FAR1: variants seen among roughly 807,000 people sequenced by gnomAD.
FAR1 encodes the protein fatty acyl-CoA reductase 1, also known as male sterility domain-containing protein 2.
In FAR1, 22 loss-of-function variants were observed where a neutral mutation model predicts 61.1. The ratio of observed to expected loss-of-function variants is 0.36; its 90% CI spans 0.26 to 0.51. The LOEUF (loss-of-function observed/expected upper bound fraction) is 0.51, where lower values mean the gene tolerates loss of function less well. Ranked by LOEUF, FAR1 falls within the 20% of genes least tolerant of loss-of-function variation. The pLI is 0.95. For synonymous variants in FAR1, 206 were observed against 209.7 expected, an observed-to-expected ratio of 0.98 and a Z score of 0.15; for missense variants, 359 against 626.9, an observed-to-expected ratio of 0.57 and a Z score of 4.56.
At position 13,693,892 on chromosome 11, in the gene FAR1, A is replaced by C. The variant is rs143032808; in HGVS notation, c.-7-867A>C. Among the ~76,000 whole-genome samples, 393 of 152,300 alleles carry C rather than the reference A, an allele frequency of 2.6e-3. 3 individuals carry two copies. Among genetic ancestry groups the C allele is most frequent in the African/African-American group, 9.0e-3 (375 of 41,574 alleles). The stretch of plus-strand genomic sequence containing the variant: ...ATTATGAAAAATTTGGACATAAATC[A>C]CATGTATCTACTCCCCAGCTTAAAT... On this transcript the variant is annotated intron_variant, in intron 1 of 11. Transcript: ENST00000354817.
rs1848455457 is a variant in FAR1 at position 13,708,207 on chromosome 11, G to A, written c.545+128G>A. 8 of 565,828 alleles carry A rather than the reference G, an allele frequency of 1.4e-5. No homozygotes were observed. The South Asian group carries it at 1.8e-4, about 13-fold the overall frequency. The allele number at this position is 565,828 out of a possible 1,614,324, so 35.1% of individuals were successfully genotyped here. ...TGAAACCCCATCTCACTAAAAATAC[G>A]AAAAAAATTAGCCAGGCATGGTGGC... On this transcript the variant is annotated intron_variant, in intron 4 of 11. Coordinates refer to ENST00000354817, the MANE Select transcript of FAR1 (RefSeq NM_032228.6).
At chr11:13,679,835 T>C (rs1414293149) in intron 1 of FAR1, among the ~76,000 whole-genome samples, 2 of 152,170 alleles carry the variant, frequency 1.3e-5, no homozygotes, top group African/African-American at 4.8e-5. Context: ...TTAACTCTTG[T>C]CAAAGTGCCA....
rs747962795 is a variant in FAR1, at chr11:13,710,828, A to G, written c.681A>G (p.Val227=). 1.9e-6 allele frequency: 3 copies of G among 1,612,438 alleles called. No homozygotes were observed. The South Asian group carries it at 3.3e-5, about 18-fold the overall frequency. ...QEGAKLNVAI[V]RPSIVGASWK... ...GAGCAAAACTAAATGTGGCAATTGT[A>G]AGGCCATCGATTGTTGGTGCCAGTT... The change falls in exon 5 of 12, where the codon GTA becomes GTG. Residue 227 remains valine (V), a synonymous_variant. Transcript: ENST00000354817.
rs182568537 is a variant in FAR1 at position 13,718,183 on chromosome 11, G to C, written c.1127+3503G>C. Among the ~76,000 whole-genome samples, 16 of 152,264 alleles carry C rather than the reference G, an allele frequency of 1.1e-4. 1 individual carries two copies. The Middle Eastern group carries it at 0.01, about 97-fold the overall frequency. On this transcript the variant is annotated intron_variant, in intron 9 of 11. Transcript: ENST00000354817. ...TTTTGTCTGTCTGAAAGTTCTGGAA[G>C]GCACTGCCTAGGTCTTTCTAAAGTC...
intron 1 of FAR1, among the ~76,000 whole-genome samples, chr11:13,689,179 G>A (rs952296784): frequency 2.0e-5 from 3 of 152,048 alleles, no homozygotes; most frequent in Non-Finnish European, 2.9e-5. Context: ...ATGTTTTATC[G>A]AAATATAATA....
At chr11:13,723,404 A>G (rs751598944) in intron 10 of FAR1, 4 of 385,932 alleles carry the variant, frequency 1.0e-5, no homozygotes, top group African/African-American at 2.3e-5. Flanking sequence ...AAACTTTTTT[A>G]TTTATATTCT....
intron 9 of FAR1, chr11:13,720,094 C>T (rs1022072770): frequency 2.0e-5 from 3 of 152,066 alleles, no homozygotes; most frequent in African/African-American, 7.2e-5. Context: ...AAATATATGG[C>T]CTTTCAAATT....
intron 1 of FAR1, among the ~76,000 whole-genome samples, chr11:13,672,652 G>A (rs912883985): frequency 2.7e-5 from 4 of 147,792 alleles, no homozygotes; most frequent in Non-Finnish European, 6.1e-5. Flanking sequence ...CTGAACTTGG[G>A]GTAGGAGAGA....
At chr11:13,672,857 G>C (rs750543674) in intron 1 of FAR1, among the ~76,000 whole-genome samples, 4 of 152,128 alleles carry the variant, frequency 2.6e-5, no homozygotes, top group Admixed American at 6.5e-5. Flanking sequence ...CTGAACACTT[G>C]TTTTCTTAGA....
chr11:13,712,895 C>A, intron 7 of FAR1, 71 bp from the exon 8 acceptor site: 1 of 1,177,182 alleles, frequency 8.5e-7, no homozygotes, highest in Non-Finnish European at 1.2e-6. Context: ...TTCTTGAATA[C>A]TATGTAGGAC....
chr11:13,689,204 A>G (rs1340570512), intron 1 of FAR1, among the ~76,000 whole-genome samples: 1 of 152,212 alleles, frequency 6.6e-6, no homozygotes, highest in Admixed American at 6.5e-5. Flanking sequence ...CAGAAAGTCC[A>G]TATATTCGAA....
chr11:13,689,717 T>C (rs1181872537), intron 1 of FAR1, among the ~76,000 whole-genome samples: 1 of 152,136 alleles, frequency 6.6e-6, no homozygotes, highest in East Asian at 1.9e-4. Flanking sequence ...TACCATCTCC[T>C]AAGTATCATA....
Position 13,731,457 on chromosome 11 carries a change from T to C in FAR1, c.*2683T>C, listed in dbSNP as rs1252949493. On this transcript the variant is annotated 3_prime_UTR_variant, in exon 12 of 12. Transcript: ENST00000354817. ...AAAAGCATTATTGGGTGCCTTTGTT[T>C]GTAAACCAAAAAGTAATAAATGAAT... 2 of 152,628 alleles carry C rather than the reference T, an allele frequency of 1.3e-5. No homozygotes were observed. Among genetic ancestry groups the C allele is most frequent in the African/African-American group, 4.8e-5 (2 of 41,466 alleles). The allele number at this position is 152,628 out of a possible 1,614,324, so 9.5% of individuals were successfully genotyped here.
chr11:13,711,058 T>C, intron 5 of FAR1, 188 bp downstream of exon 5: 1 of 541,580 alleles, frequency 1.8e-6, no homozygotes, highest in Non-Finnish European at 3.2e-6. Flanking sequence ...TGACGCTGGG[T>C]ATATAGAAAT....
intron 10 of FAR1, chr11:13,723,290 G>T (rs376403632): frequency 2.9e-6 from 1 of 345,876 alleles, no homozygotes; most frequent in East Asian, 9.0e-5. Context: ...AGTTGAGCCC[G>T]GGAGGTCAAG....
chr11:13,671,420 G>A (rs1296800030), intron 1 of FAR1, among the ~76,000 whole-genome samples: 1 of 152,198 alleles, frequency 6.6e-6, no homozygotes, highest in Non-Finnish European at 1.5e-5. Context: ...AATTTTTTAT[G>A]TTGGTTAGGA....
rs189069076 is a variant in FAR1, at chr11:13,727,551, C to T, written c.1258-5C>T. ...AAATAATCAGTAATTTTTTTGTTAA[C>T]GTAGACCTTCAATATTGATGTACGG... is the stretch of plus-strand genomic sequence containing the variant. On this transcript the variant is annotated splice_polypyrimidine_tract_variant and splice_region_variant and intron_variant, in intron 10 of 11. Transcript: ENST00000354817. 1.4e-5 allele frequency: 22 copies of T among 1,587,320 alleles called. No individual in the cohort carries two copies. Among genetic ancestry groups the T allele is most frequent in the South Asian group, 2.3e-5 (2 of 86,194 alleles).
At chr11:13,714,792 T>C in intron 9 of FAR1, 112 bp downstream of exon 9, 3 of 913,022 alleles carry the variant, frequency 3.3e-6, no homozygotes, top group South Asian at 3.0e-5. Flanking sequence ...CTTAATAGCC[T>C]TTTGTGAATG....
chr11:13,704,622 T>C (rs933064281), intron 3 of FAR1, among the ~76,000 whole-genome samples: 1 of 152,182 alleles, frequency 6.6e-6, no homozygotes, highest in Admixed American at 6.5e-5. Flanking sequence ...TTTAGAACCA[T>C]TGCTGTCAGA....
Sources: allele counts gnomAD v4.1 joint callset (sites outside exome capture counted in the v4.1 genomes callset), GRCh38; gene constraint gnomAD v4.1.1; transcripts MANE v1.5; gene names NCBI Gene and HGNC (gene_info 2026-07-23, HGNC 2026-07-21).